Variants in ATAD5 observed in about 807,000 individuals in gnomAD.
ATAD5 encodes the protein ATPase family AAA domain-containing protein 5.
ATAD5 carries 58 observed loss-of-function variants against 176.9 expected under a neutral mutation model. That is an observed-to-expected ratio of 0.33 (90% CI 0.27 to 0.41). The LOEUF is 0.41. ATAD5 is among the 10% of genes least tolerant of loss of function. ATAD5 has a pLI of 1.00. For synonymous variants in ATAD5, 640 were observed against 712.6 expected, an observed-to-expected ratio of 0.90 and a Z score of 1.62; for missense variants, 1,789 against 2,094.1, an observed-to-expected ratio of 0.85 and a Z score of 2.84.
chr17:30,848,060 G>A (rs1906642815), intron 6 of ATAD5, among the ~76,000 whole-genome samples: 1 of 152,068 alleles, frequency 6.6e-6, no homozygotes, highest in African/African-American at 2.4e-5. Context: ...ATGGACAAGT[G>A]TTCTCATTTT....
chr17:30,875,151 A>G (rs1405533536), intron 14 of ATAD5, among the ~76,000 whole-genome samples: 1 of 152,104 alleles, frequency 6.6e-6, no homozygotes, highest in Admixed American at 6.6e-5. Flanking sequence ...ATGAGATGGT[A>G]TGTGAGGAAG....
chr17:30,860,697 T>C (rs1196918694), intron 10 of ATAD5, 85 bp downstream of exon 10: 8 of 1,141,916 alleles, frequency 7.0e-6, no homozygotes, highest in South Asian at 2.1e-5. Flanking sequence ...GATTTTGATA[T>C]GCTTTTTAAA....
rs114180728 is a variant in ATAD5, at chr17:30,832,452, A to G, written c.66+39A>G. The G allele has an allele frequency of 1.3e-3, 1,942 of 1,476,526 alleles. 19 individuals carry two copies. In the African/African-American group the frequency reaches 0.024, roughly 18 times the overall value. The allele number at this position is 1,476,526 out of a possible 1,614,324, so 91.5% of individuals were successfully genotyped here. ...GAGGATCTGTTGAGTTCCTTCCTCT[A>G]TCTTTTGGGGGATTGGAAGGTGGGT... On this transcript the variant is annotated intron_variant, in intron 1 of 22. Coordinates refer to ENST00000321990, the MANE Select transcript of ATAD5 (RefSeq NM_024857.5).
At chr17:30,868,866 T>TC (rs1908165979) in intron 12 of ATAD5, among the ~76,000 whole-genome samples, 1 of 147,646 alleles carries the variant, frequency 6.8e-6, no homozygotes, top group Non-Finnish European at 1.5e-5. Context: ...TTTTTTTTTT[T>TC]CACTCTGTCA....
At chr17:30,851,645 C>G (rs1388208185) in intron 6 of ATAD5, among the ~76,000 whole-genome samples, 2 of 152,056 alleles carry the variant, frequency 1.3e-5, no homozygotes, top group East Asian at 3.9e-4. Context: ...TGCAATGGCA[C>G]TATCTTGGCT....
chr17:30,844,012 C>T lies in ATAD5; in HGVS notation c.2341C>T (p.Leu781Phe). 6.5e-7 allele frequency: 1 copy of T among 1,549,164 alleles called. No homozygotes were observed. The highest frequency in any genetic ancestry group is 8.7e-7 in the Non-Finnish European group (1 of 1,152,096). ...TTTGAATGATGTGCTAGGAAAAAAA[C>T]TTAACACATCCACTAAAAATGTACC... ...QCLNDVLGKK[L>F]NTSTKNVPGK... The change falls in exon 5 of 23, where the codon CTT becomes TTT. Residue 781 changes from leucine (L) to phenylalanine (F), a missense_variant. By Grantham distance (22) the Leu-to-Phe change is conservative. This residue lies in a region of ATAD5 where 487 missense variants were observed against 573.6 expected (regional missense o/e 0.85). Coordinates refer to ENST00000321990, the MANE Select transcript of ATAD5 (RefSeq NM_024857.5).
At chr17:30,868,509 A>C in intron 12 of ATAD5, 97 bp downstream of exon 12, 1 of 486,028 alleles carries the variant, frequency 2.1e-6, no homozygotes, top group Non-Finnish European at 2.8e-6. Flanking sequence ...TTTTTTTTTA[A>C]TTTTTTTTTT....
At chr17:30,872,430 T>A (rs1908387246) in intron 14 of ATAD5, among the ~76,000 whole-genome samples, 1 of 152,128 alleles carries the variant, frequency 6.6e-6, no homozygotes. Flanking sequence ...AGTACTCAAT[T>A]TTAGACTTGA....
At chr17:30,876,702 CTTTTTTTTTTTTTTT>C (rs202065630) in intron 15 of ATAD5, 152 bp downstream of exon 15, 5 of 127,774 alleles carry the variant, frequency 3.9e-5, no homozygotes, top group Non-Finnish European at 5.8e-5. Flanking sequence ...ATTTTGTTTC[CTTTTTTTTTTTTTTT>C]TTTTTTTTTT....
chr17:30,863,243 TGGAC>T (rs1255654536), intron 10 of ATAD5, among the ~76,000 whole-genome samples: 10 of 152,136 alleles, frequency 6.6e-5, no homozygotes, highest in African/African-American at 2.2e-4. Flanking sequence ...ATGCCCAGGC[TGGAC>T]TGTGGTAGCA....
intron 19 of ATAD5, among the ~76,000 whole-genome samples, chr17:30,891,817 C>T (rs997861251): frequency 5.9e-5 from 9 of 152,152 alleles, no homozygotes; most frequent in Admixed American, 1.3e-4. Context: ...TCCCTAATAG[C>T]GGGGGCTACA....
chr17:30,878,869 C>G (rs1908843347), intron 17 of ATAD5, among the ~76,000 whole-genome samples: 1 of 151,554 alleles, frequency 6.6e-6, no homozygotes, highest in Non-Finnish European at 1.5e-5. Context: ...GTAGCTGGGA[C>G]TACAGGCACA....
chr17:30,850,530 GT>G (rs1203234856), intron 6 of ATAD5, among the ~76,000 whole-genome samples: 3 of 151,276 alleles, frequency 2.0e-5, no homozygotes, highest in African/African-American at 4.9e-5. Context: ...CCAGCTAATT[GT>G]TTTTTTGGTA....
intron 14 of ATAD5, among the ~76,000 whole-genome samples, chr17:30,875,106 A>G (rs557969522): frequency 3.9e-5 from 6 of 152,140 alleles, no homozygotes; most frequent in African/African-American, 1.4e-4. Flanking sequence ...AGAGGGTAGA[A>G]AAAAAGAATA....
At chr17:30,852,542 G>A (rs1390646542) in intron 6 of ATAD5, among the ~76,000 whole-genome samples, 2 of 152,118 alleles carry the variant, frequency 1.3e-5, no homozygotes, top group East Asian at 1.9e-4. Flanking sequence ...TCCCATAAAC[G>A]AATACCTAAG....
rs1194627511 is a variant in ATAD5, at chr17:30,835,219, T to C, written c.1138T>C (p.Leu380=). The change falls in exon 2 of 23, where the codon TTG becomes CTG. Residue 380 remains leucine, a synonymous_variant. Coordinates refer to ENST00000321990, the MANE Select transcript of ATAD5 (RefSeq NM_024857.5). ...TGTTATACAGGAGGAAGAATTAGAA[T>C]TGGCTGTTTTGGAAGCTGGAAGTTC... ...NVVIQEEELE[L]AVLEAGSSEA... 6.2e-7 allele frequency: 1 copy of C among 1,614,008 alleles called. No individual in the cohort carries two copies. The highest frequency in any genetic ancestry group is 8.5e-7 in the Non-Finnish European group (1 of 1,179,958).
chr17:30,889,886 C>CTTTTTTTTTTTTT (rs60266614), intron 19 of ATAD5, among the ~76,000 whole-genome samples: 70 of 95,660 alleles, frequency 7.3e-4, no homozygotes, highest in South Asian at 1.1e-3. Context: ...TCTTTTCTTT[C>CTTTTTTTTTTTTT]TTTTTTTTTT....
intron 1 of ATAD5, among the ~76,000 whole-genome samples, chr17:30,832,672 C>A (rs935650084): frequency 1.3e-5 from 2 of 152,128 alleles, no homozygotes; most frequent in Non-Finnish European, 2.9e-5. Flanking sequence ...GGCCAGTTCC[C>A]AGATCCCGAA....
At chr17:30,866,831 A>G (rs895011668) in intron 11 of ATAD5, among the ~76,000 whole-genome samples, 1 of 152,144 alleles carries the variant, frequency 6.6e-6, no homozygotes, top group Non-Finnish European at 1.5e-5. Flanking sequence ...AAGCAAAAAA[A>G]CAAACCAAAC....
Sources: gnomAD v4.1 joint callset for allele counts (sites outside exome capture counted in the v4.1 genomes callset) on GRCh38, gnomAD v4.1.1 for gene constraint, gnomAD v4.1.1 regional missense constraint, MANE v1.5 for transcripts, NCBI Gene and HGNC (gene_info 2026-07-23, HGNC 2026-07-21) for gene names.